Variants in SUSD6 observed in about 807,000 individuals in gnomAD.
The protein encoded by SUSD6 is sushi domain-containing protein 6.
SUSD6 carries 16 observed loss-of-function variants against 28.4 expected under a neutral mutation model. The observed-to-expected ratio is 0.56, with a 90% confidence interval of 0.38 to 0.86. SUSD6 has a LOEUF of 0.86. SUSD6 is among the 40% of genes least tolerant of loss of function. The pLI is 0.00. For missense variants in SUSD6, 341 were observed against 384.2 expected, an observed-to-expected ratio of 0.89 and a Z score of 0.94; for synonymous variants, 147 against 159.6, an observed-to-expected ratio of 0.92 and a Z score of 0.59.
At chr14:69,680,611 C>G (rs1232156713) in intron 2 of SUSD6, among the ~76,000 whole-genome samples, 1 of 152,224 alleles carries the variant, frequency 6.6e-6, no homozygotes, top group Non-Finnish European at 1.5e-5. Context: ...TAACCCTCAT[C>G]TGTACTTTCA....
chr14:69,690,888 C>T (rs1480091540), intron 2 of SUSD6, among the ~76,000 whole-genome samples: 21 of 152,168 alleles, frequency 1.4e-4, no homozygotes, highest in Admixed American at 6.5e-4. Context: ...CTTGTGGCTT[C>T]GTCCAGCCTT....
intron 1 of SUSD6, among the ~76,000 whole-genome samples, chr14:69,636,499 T>G (rs1360702512): frequency 6.6e-6 from 1 of 152,252 alleles, no homozygotes; most frequent in Non-Finnish European, 1.5e-5. Context: ...CAGACTCGCC[T>G]CCTCTTTCTG....
intron 1 of SUSD6, among the ~76,000 whole-genome samples, chr14:69,634,967 A>C (rs1237319262): frequency 2.0e-5 from 3 of 152,212 alleles, no homozygotes. Flanking sequence ...CAGCTAGTAA[A>C]TACTATGGCC....
intron 1 of SUSD6, among the ~76,000 whole-genome samples, chr14:69,641,087 C>T (rs1302527544): frequency 6.6e-6 from 1 of 152,226 alleles, no homozygotes; most frequent in Non-Finnish European, 1.5e-5. Flanking sequence ...TCCATTGCCT[C>T]CTGGCTTGCA....
At chr14:69,675,493 G>A (rs1458576025) in intron 2 of SUSD6, among the ~76,000 whole-genome samples, 2 of 151,970 alleles carry the variant, frequency 1.3e-5, no homozygotes, top group Non-Finnish European at 2.9e-5. Flanking sequence ...GTAGTCTCTG[G>A]GGCTTTCTTT....
intron 1 of SUSD6, among the ~76,000 whole-genome samples, chr14:69,616,730 A>G (rs951337832): frequency 6.6e-6 from 1 of 152,222 alleles, no homozygotes; most frequent in Non-Finnish European, 1.5e-5. Flanking sequence ...CCACCCTAAC[A>G]TAATGTGTAT....
At chr14:69,701,882 A>T (rs72723901) in intron 2 of SUSD6, among the ~76,000 whole-genome samples, 18,527 of 152,234 alleles carry the variant, frequency 0.12, 1,483 homozygotes, top group Non-Finnish European at 0.17. Context: ...ATCTCAAGTG[A>T]TAAGCAAATT....
chr14:69,630,707 T>C (rs1267402898), intron 1 of SUSD6, among the ~76,000 whole-genome samples: 1 of 152,080 alleles, frequency 6.6e-6, no homozygotes, highest in Non-Finnish European at 1.5e-5. Flanking sequence ...CCTCTTCCCC[T>C]CTCAACCCTT....
intron 2 of SUSD6, among the ~76,000 whole-genome samples, chr14:69,692,106 C>T (rs1481110465): frequency 6.6e-6 from 1 of 151,632 alleles, no homozygotes; most frequent in African/African-American, 2.4e-5. Context: ...CTCCCACTTG[C>T]AACTTTGCTG....
At chr14:69,646,700 C>CCTTTTTT (rs1885431981) in intron 1 of SUSD6, among the ~76,000 whole-genome samples, 2 of 109,218 alleles carry the variant, frequency 1.8e-5, no homozygotes, top group Non-Finnish European at 1.7e-5. Flanking sequence ...TTTTTTCCAT[C>CCTTTTTT]TTTTTTTTTT....
chr14:69,688,384 T>TCATG (rs903720873), intron 2 of SUSD6, among the ~76,000 whole-genome samples: 54 of 152,318 alleles, frequency 3.5e-4, no homozygotes, highest in African/African-American at 1.3e-3. Context: ...ACGTGAGAGC[T>TCATG]CATGCATGCA....
chr14:69,706,166 TA>T (rs1189927600), intron 4 of SUSD6, among the ~76,000 whole-genome samples: 3 of 152,184 alleles, frequency 2.0e-5, no homozygotes, highest in Admixed American at 2.0e-4. Flanking sequence ...TATTAATTAA[TA>T]GGATGAAGAG....
chr14:69,625,949 G>A (rs1420228719), intron 1 of SUSD6, among the ~76,000 whole-genome samples: 1 of 152,146 alleles, frequency 6.6e-6, no homozygotes, highest in East Asian at 1.9e-4. Flanking sequence ...TCTAAGGAAG[G>A]CCTCTCTCCC....
intron 1 of SUSD6, among the ~76,000 whole-genome samples, chr14:69,635,405 C>G (rs971361903): frequency 6.6e-6 from 1 of 152,218 alleles, no homozygotes; most frequent in Non-Finnish European, 1.5e-5. Flanking sequence ...ATATTTACAG[C>G]TGCTTTTCCC....
intron 2 of SUSD6, among the ~76,000 whole-genome samples, chr14:69,699,933 T>C (rs1007013090): frequency 2.6e-5 from 4 of 152,196 alleles, no homozygotes; most frequent in Non-Finnish European, 4.4e-5. Context: ...GGTTGGACCA[T>C]GTGTGCCATT....
At chr14:69,703,677 C>G (rs1886344658) in intron 3 of SUSD6, 85 bp downstream of exon 3, 1 of 1,298,680 alleles carries the variant, frequency 7.7e-7, no homozygotes. Context: ...TCCTCCAGAG[C>G]ACTCTTTGCT....
chr14:69,655,977 A>G (rs1408224130), intron 1 of SUSD6, among the ~76,000 whole-genome samples: 1 of 152,100 alleles, frequency 6.6e-6, no homozygotes, highest in Non-Finnish European at 1.5e-5. Flanking sequence ...TTGTAAGGGT[A>G]AAGTTTAAAC....
chr14:69,656,969 G>T (rs906165896), intron 1 of SUSD6, among the ~76,000 whole-genome samples: 1 of 152,322 alleles, frequency 6.6e-6, no homozygotes, highest in Admixed American at 6.5e-5. Flanking sequence ...GGTGAAACCT[G>T]GGGACAGAAG....
At chr14:69,658,294 C>T (rs1188087881) in intron 1 of SUSD6, among the ~76,000 whole-genome samples, 1 of 152,214 alleles carries the variant, frequency 6.6e-6, no homozygotes, top group Non-Finnish European at 1.5e-5. Flanking sequence ...CCAGGTGAGA[C>T]AGAGCTCACC....
Sources: allele counts gnomAD v4.1 joint callset (sites outside exome capture counted in the v4.1 genomes callset), GRCh38; gene constraint gnomAD v4.1.1; transcripts MANE v1.5; gene names NCBI Gene and HGNC (gene_info 2026-07-23, HGNC 2026-07-21).